Variants in DLGAP2 observed in about 807,000 individuals in gnomAD.
DLGAP2 encodes the protein disks large-associated protein 2.
A neutral mutation model predicts 100.3 loss-of-function variants in DLGAP2; 26 were observed. That is an observed-to-expected ratio of 0.26 (90% CI 0.19 to 0.36). DLGAP2 has a LOEUF of 0.36. Among genes scored for constraint, DLGAP2 ranks in the 10% least tolerant of loss-of-function variants. DLGAP2 has a pLI of 1.00. For synonymous variants in DLGAP2, 886 were observed against 630.1 expected, an observed-to-expected ratio of 1.41 and a Z score of -6.08; for missense variants, 1,858 against 1,453.2, an observed-to-expected ratio of 1.28 and a Z score of -4.53.
At chr8:1,029,253 A>T (rs2129027483) in intron 2 of DLGAP2, among the ~76,000 whole-genome samples, 1 of 152,320 alleles carries the variant, frequency 6.6e-6, no homozygotes, top group East Asian at 1.9e-4. Flanking sequence ...TTTGGATGTC[A>T]ACTGAAGCCG....
chr8:1,120,758 A>C (rs1796018545), intron 2 of DLGAP2, among the ~76,000 whole-genome samples: 1 of 151,444 alleles, frequency 6.6e-6, no homozygotes, highest in African/African-American at 2.4e-5. Context: ...ATCCTAATTT[A>C]TTTAGAAACT....
chr8:1,624,641 C>A (rs1332016356), intron 6 of DLGAP2, among the ~76,000 whole-genome samples: 1 of 151,948 alleles, frequency 6.6e-6, no homozygotes, highest in Non-Finnish European at 1.5e-5. Flanking sequence ...GCCTTCTGTT[C>A]ACTGGCAGTC....
At chr8:1,303,396 CA>C (rs1800409303) in intron 3 of DLGAP2, among the ~76,000 whole-genome samples, 1 of 44,268 alleles carries the variant, frequency 2.3e-5, no homozygotes, top group Non-Finnish European at 4.3e-5. Context: ...GACTCCGTCT[CA>C]AAAACAAAAA....
At chr8:1,585,337 G>A (rs570560310) in intron 6 of DLGAP2, among the ~76,000 whole-genome samples, 6 of 148,932 alleles carry the variant, frequency 4.0e-5, no homozygotes, top group African/African-American at 1.5e-4. Context: ...TTTGGCCCGT[G>A]CCTGTAATCC....
intron 11 of DLGAP2, 48 bp from the exon 12 acceptor site, chr8:1,678,166 A>G (rs534879574): frequency 1.3e-6 from 2 of 1,555,958 alleles, no homozygotes; most frequent in South Asian, 2.4e-5. Context: ...TGTTGCATGA[A>G]GTCCTCTCAG....
chr8:1,087,723 C>G (rs957126456), intron 2 of DLGAP2, among the ~76,000 whole-genome samples: 1 of 152,216 alleles, frequency 6.6e-6, no homozygotes, highest in Non-Finnish European at 1.5e-5. Flanking sequence ...CTTCCAAAAT[C>G]TACTGGACAT....
At chr8:986,866 G>C (rs949544592) in intron 2 of DLGAP2, among the ~76,000 whole-genome samples, 4 of 152,008 alleles carry the variant, frequency 2.6e-5, no homozygotes, top group Admixed American at 6.5e-5. Context: ...TGCCATGTTG[G>C]CCAGGCTGGT....
At chr8:976,360 C>T (rs1223565911) in intron 2 of DLGAP2, among the ~76,000 whole-genome samples, 6 of 152,076 alleles carry the variant, frequency 3.9e-5, no homozygotes, top group African/African-American at 7.2e-5. Context: ...GCGTGTAATC[C>T]TAGCACTTTG....
chr8:1,083,428 G>T (rs950096458), intron 2 of DLGAP2, among the ~76,000 whole-genome samples: 1 of 152,258 alleles, frequency 6.6e-6, no homozygotes, highest in African/African-American at 2.4e-5. Flanking sequence ...CAGATCTTAC[G>T]GGGGGTTTGA....
Position 1,187,688 on chromosome 8 carries a change from C to T in DLGAP2, c.74-71163C>T, listed in dbSNP as rs553469143. 1.4e-4 allele frequency among the ~76,000 whole-genome samples: 19 copies of T among 138,910 alleles called. No individual in the cohort carries two copies. The East Asian group carries it at 1.6e-3, about 12-fold the overall frequency. The allele number at this position is 138,910 out of a possible 152,430, so 91.1% of individuals were successfully genotyped here. A position where few individuals can be genotyped will look rare whatever the true frequency, so the allele number is the denominator to read the frequency against. ...GGACCTCTGTGACATTTCCCTCACA[C>T]GCCCAGGACCTCTGTGACGTTTCCC... On this transcript the variant is annotated intron_variant, in intron 2 of 14. Transcript: ENST00000637795.
At chr8:1,675,664 G>C (rs568193095) in intron 10 of DLGAP2, among the ~76,000 whole-genome samples, 2 of 152,230 alleles carry the variant, frequency 1.3e-5, no homozygotes, top group South Asian at 2.1e-4. Context: ...TTTTAAGAAG[G>C]GAGAGATTTT....
chr8:1,527,120 G>A (rs142239492), intron 4 of DLGAP2, among the ~76,000 whole-genome samples: 2,376 of 152,292 alleles, frequency 0.016, 36 homozygotes, highest in African/African-American at 0.036. Flanking sequence ...CGTCTACACC[G>A]CGGGCTCACG....
intron 1 of DLGAP2, among the ~76,000 whole-genome samples, chr8:885,640 A>G (rs943353804): frequency 6.6e-6 from 1 of 152,098 alleles, no homozygotes; most frequent in African/African-American, 2.4e-5. Context: ...ATTGCCCTGG[A>G]CAGAACTTCT....
chr8:1,077,188 A>G (rs1220376086), intron 2 of DLGAP2, among the ~76,000 whole-genome samples: 1 of 152,094 alleles, frequency 6.6e-6, no homozygotes, highest in Non-Finnish European at 1.5e-5. Flanking sequence ...TCTGCTTCTG[A>G]TGAGGACACC....
chr8:1,460,584 G>C (rs6995218), intron 3 of DLGAP2, among the ~76,000 whole-genome samples: 4 of 151,530 alleles, frequency 2.6e-5, no homozygotes, highest in African/African-American at 9.7e-5. Context: ...GATGGTTTTC[G>C]TGACAGGTTT....
In DLGAP2 at chr8:1,237,181, C is replaced by G. The variant is rs1285191100; in HGVS notation, c.74-21670C>G. Among the ~76,000 whole-genome samples the G allele has an allele frequency of 1.5e-5, 2 of 132,466 alleles. 1 individual carries two copies. The highest frequency in any genetic ancestry group is 6.2e-5 in the African/African-American group (2 of 32,130). 86.9% of individuals were successfully genotyped at this position (132,466 alleles called of 152,430 possible). On this transcript the variant is annotated intron_variant, in intron 2 of 14. Transcript: ENST00000637795. ...CGCCGTGTCTAGTTCTCTCACATGG[C>G]GCCGTGTGTAGTTCTCTCACGTGGT... is the stretch of plus-strand genomic sequence containing the variant.
At chr8:1,619,154 G>T (rs907592115) in intron 6 of DLGAP2, among the ~76,000 whole-genome samples, 3 of 152,154 alleles carry the variant, frequency 2.0e-5, no homozygotes, top group African/African-American at 7.2e-5. Context: ...AAACAAGAAC[G>T]TAAAGACAAC....
intron 2 of DLGAP2, among the ~76,000 whole-genome samples, chr8:1,245,811 G>A (rs1326981875): frequency 6.6e-6 from 1 of 152,182 alleles, no homozygotes; most frequent in Non-Finnish European, 1.5e-5. Context: ...AAAAAGGGCA[G>A]AGGCAGACAT....
rs1167134289 is a variant in DLGAP2 at position 1,706,829 on chromosome 8, C to G, written c.*5423C>G. 6.6e-6 allele frequency: 1 copy of G among 152,176 alleles called. No homozygotes were observed. Among genetic ancestry groups the G allele is most frequent in the Non-Finnish European group, 1.5e-5 (1 of 68,038 alleles). 9.4% of individuals were successfully genotyped at this position (152,176 alleles called of 1,614,324 possible). A position where few individuals can be genotyped will look rare whatever the true frequency, so the allele number is the denominator to read the frequency against. On this transcript the variant is annotated 3_prime_UTR_variant, in exon 15 of 15. Coordinates refer to ENST00000637795, the MANE Select transcript of DLGAP2 (RefSeq NM_001346810.2). ...CACGCAAGGGTTTGAGAAGCCCACC[C>G]CTCTAATTCCAGGCGTTTGTAATTT...
Sources: gnomAD v4.1 joint callset for allele counts (sites outside exome capture counted in the v4.1 genomes callset) on GRCh38, gnomAD v4.1.1 for gene constraint, MANE v1.5 for transcripts, NCBI Gene and HGNC (gene_info 2026-07-23, HGNC 2026-07-21) for gene names.